Variants in TCF4 observed in about 807,000 individuals in gnomAD.
TCF4 encodes transcription factor 4.
A neutral mutation model predicts 82.1 loss-of-function variants in TCF4; 3 were observed. The ratio of observed to expected loss-of-function variants is 0.04; its 90% CI spans 0.02 to 0.09. The LOEUF is 0.09. TCF4 is among the 10% of genes least tolerant of loss of function. The pLI is 1.00. For synonymous variants in TCF4, 276 were observed against 309.6 expected (o/e 0.89, Z 1.14); for missense variants, 518 against 852.7 (o/e 0.61, Z 4.89).
intron 15 of TCF4, among the ~76,000 whole-genome samples, chr18:55,253,609 T>G (rs2055916415): frequency 6.6e-6 from 1 of 152,162 alleles, no homozygotes; most frequent in Non-Finnish European, 1.5e-5. Context: ...AATTGTAATA[T>G]GGACAAATCT....
intron 5 of TCF4, among the ~76,000 whole-genome samples, chr18:55,412,186 T>C (rs2094372832): frequency 6.6e-6 from 1 of 152,088 alleles, no homozygotes; most frequent in Non-Finnish European, 1.5e-5. Context: ...TAACAAAAAG[T>C]AGATTACTAC....
chr18:55,269,584 A>C, intron 11 of TCF4: 1 of 526,478 alleles, frequency 1.9e-6, no homozygotes, highest in Non-Finnish European at 3.4e-6. Context: ...GGTCTGTTTG[A>C]ACCCTTGTTC....
intron 3 of TCF4, among the ~76,000 whole-genome samples, chr18:55,579,197 A>G (rs1246520675): frequency 1.3e-5 from 2 of 151,674 alleles, no homozygotes; most frequent in Non-Finnish European, 2.9e-5. Flanking sequence ...GATATGGGTC[A>G]AAAGTATCCA....
At chr18:55,596,516 T>G (rs2097691096) in intron 2 of TCF4, among the ~76,000 whole-genome samples, 1 of 152,220 alleles carries the variant, frequency 6.6e-6, no homozygotes, top group Admixed American at 6.5e-5. Flanking sequence ...ATACATATGC[T>G]TTAATGCCAC....
At chr18:55,621,022 G>T (rs1159613178) in intron 2 of TCF4, among the ~76,000 whole-genome samples, 2 of 151,940 alleles carry the variant, frequency 1.3e-5, no homozygotes, top group African/African-American at 4.8e-5. Context: ...ATTGTGATCT[G>T]GTAGTAATAC....
At chr18:55,428,823 C>T (rs538846858) in intron 5 of TCF4, among the ~76,000 whole-genome samples, 1 of 152,060 alleles carries the variant, frequency 6.6e-6, no homozygotes, top group Non-Finnish European at 1.5e-5. Flanking sequence ...TTAGTTGGAG[C>T]CTTATTGCCT....
intron 8 of TCF4, among the ~76,000 whole-genome samples, chr18:55,305,574 T>C (rs1330205906): frequency 6.6e-6 from 1 of 152,228 alleles, no homozygotes; most frequent in Non-Finnish European, 1.5e-5. Flanking sequence ...TGTTTTTGGT[T>C]GTTAAGCTTT....
intron 15 of TCF4, among the ~76,000 whole-genome samples, chr18:55,249,985 A>T (rs2054517382): frequency 6.6e-6 from 1 of 152,206 alleles, no homozygotes; most frequent in African/African-American, 2.4e-5. Context: ...ATAATTTATA[A>T]GAAATCTAAT....
intron 8 of TCF4, among the ~76,000 whole-genome samples, chr18:55,346,583 C>G (rs572219788): frequency 6.6e-6 from 1 of 152,266 alleles, no homozygotes; most frequent in Admixed American, 6.5e-5. Context: ...CCAGAAAAAT[C>G]TGATGTTCAA....
intron 5 of TCF4, among the ~76,000 whole-genome samples, chr18:55,443,923 T>A (rs1474190197): frequency 1.3e-5 from 2 of 152,064 alleles, no homozygotes; most frequent in African/African-American, 4.8e-5. Context: ...CACCCAACAA[T>A]CCCAACAGAT....
intron 5 of TCF4, chr18:55,422,576 A>G: frequency 2.0e-6 from 1 of 509,836 alleles, no homozygotes. Flanking sequence ...TGGTTTAAAG[A>G]GTTAAAGACT....
At chr18:55,270,698 TTTAA>T (rs1234456089) in intron 10 of TCF4, among the ~76,000 whole-genome samples, 1 of 152,100 alleles carries the variant, frequency 6.6e-6, no homozygotes, top group African/African-American at 2.4e-5. Flanking sequence ...CTGCTTTGAG[TTTAA>T]TTATTATATT....
chr18:55,539,782 T>C (rs2097149447), intron 3 of TCF4, among the ~76,000 whole-genome samples: 1 of 152,008 alleles, frequency 6.6e-6, no homozygotes, highest in Non-Finnish European at 1.5e-5. Flanking sequence ...TGAATGGGAA[T>C]CAAATAGAAC....
intron 8 of TCF4, among the ~76,000 whole-genome samples, chr18:55,333,604 G>C (rs1447157663): frequency 6.6e-6 from 1 of 152,070 alleles, no homozygotes; most frequent in Non-Finnish European, 1.5e-5. Context: ...ATCTTAATAA[G>C]TGGCTATGAT....
chr18:55,255,355 G>A (rs1347234637), intron 14 of TCF4, among the ~76,000 whole-genome samples: 1 of 152,102 alleles, frequency 6.6e-6, no homozygotes, highest in Middle Eastern at 3.2e-3. Flanking sequence ...AAGATTTTAA[G>A]ACTGAAGAAT....
chr18:55,362,437 A>AAG (rs1569192813), intron 6 of TCF4, among the ~76,000 whole-genome samples: 5 of 113,072 alleles, frequency 4.4e-5, no homozygotes, highest in African/African-American at 1.6e-4. Flanking sequence ...AAGGAAGGAA[A>AAG]AAAAAAAAGA....
intron 2 of TCF4, among the ~76,000 whole-genome samples, chr18:55,602,095 T>C (rs1907987316): frequency 6.6e-6 from 1 of 152,222 alleles, no homozygotes; most frequent in African/African-American, 2.4e-5. Flanking sequence ...ATAGAAAATA[T>C]ATAGCACTAT....
chr18:55,517,373 C>T (rs1232782982), intron 3 of TCF4, among the ~76,000 whole-genome samples: 1 of 152,160 alleles, frequency 6.6e-6, no homozygotes, highest in East Asian at 1.9e-4. Flanking sequence ...GCTCCCTAAA[C>T]CAACCAGGCC....
At chr18:55,627,221 T>C (rs961088371) in intron 2 of TCF4, among the ~76,000 whole-genome samples, 8 of 152,186 alleles carry the variant, frequency 5.3e-5, no homozygotes, top group African/African-American at 7.2e-5. Flanking sequence ...GTTCATTCTA[T>C]GAACATGTCC....
Sources: allele counts gnomAD v4.1 joint callset (sites outside exome capture counted in the v4.1 genomes callset), GRCh38; gene constraint gnomAD v4.1.1; transcripts MANE v1.5; gene names NCBI Gene and HGNC (gene_info 2026-07-23, HGNC 2026-07-21).